The following TIAM2 variants were observed in gnomAD, a reference collection of about 807,000 sequenced individuals.
TIAM2 encodes TIAM Rac1 associated GEF 2, also known as rho guanine nucleotide exchange factor TIAM2.
A neutral mutation model predicts 152.9 loss-of-function variants in TIAM2; 80 were observed. The ratio of observed to expected loss-of-function variants is 0.52; its 90% CI spans 0.44 to 0.63. The LOEUF (loss-of-function observed/expected upper bound fraction) is 0.63, where lower values mean the gene tolerates loss of function less well. TIAM2 is among the 30% of genes least tolerant of loss of function. The pLI is 0.00. For synonymous variants in TIAM2, 804 were observed against 838.0 expected (o/e 0.96, Z 0.70); for missense variants, 1,965 against 2,120.1 (o/e 0.93, Z 1.44).
intron 1 of TIAM2, among the ~76,000 whole-genome samples, chr6:155,000,965 CAG>C (rs1275203226): frequency 1.3e-5 from 2 of 152,150 alleles, no homozygotes; most frequent in African/African-American, 4.8e-5. Flanking sequence ...GCCTGGGCGA[CAG>C]AGCGAGACCC....
chr6:155,039,069 T>A (rs1161223050), intron 1 of TIAM2, among the ~76,000 whole-genome samples: 1 of 146,282 alleles, frequency 6.8e-6, no homozygotes, highest in Non-Finnish European at 1.5e-5. Flanking sequence ...CAGGTGATCC[T>A]CCTACCTCAG....
intron 26 of TIAM2, 21 bp downstream of exon 26, chr6:155,254,594 G>GTGTT (rs749191073): frequency 2.9e-5 from 46 of 1,604,260 alleles, no homozygotes; most frequent in Non-Finnish European, 3.8e-5. Flanking sequence ...TGCTAGCCTT[G>GTGTT]TGTTTATTCA....
At position 155,010,616 on chromosome 6, in the gene TIAM2, C is replaced by T. The variant is rs530459781; in HGVS notation, c.-209+15124C>T. 4.4e-3 allele frequency among the ~76,000 whole-genome samples: 666 copies of T among 152,162 alleles called. 8 individuals are homozygous for T. The highest frequency in any genetic ancestry group is 0.015 in the African/African-American group (641 of 41,546). Reference sequence around the variant, plus strand: ...GATTACAGGCATGCGCCACCATGCCCGGCTAATTTTCTATTTTTAGTAGAG... The same window carrying T: ...GATTACAGGCATGCGCCACCATGCCTGGCTAATTTTCTATTTTTAGTAGAG... On this transcript the variant is annotated intron_variant, in intron 1 of 26. Transcript: ENST00000682666.
intron 14 of TIAM2, among the ~76,000 whole-genome samples, chr6:155,197,877 GA>G (rs1203227403): frequency 3.3e-5 from 5 of 152,330 alleles, no homozygotes; most frequent in Non-Finnish European, 4.4e-5. Flanking sequence ...TACAATTCAA[GA>G]TGAGCTTTGG....
intron 1 of TIAM2, among the ~76,000 whole-genome samples, chr6:155,062,087 C>T (rs920243011): frequency 4.5e-5 from 6 of 134,208 alleles, no homozygotes; most frequent in Admixed American, 1.5e-4. Flanking sequence ...TGCATCTCGC[C>T]CCCCCACCGC....
intron 1 of TIAM2, among the ~76,000 whole-genome samples, chr6:155,064,330 A>G (rs1777644769): frequency 6.6e-6 from 1 of 152,226 alleles, no homozygotes; most frequent in Non-Finnish European, 1.5e-5. Flanking sequence ...CCTAGCTTTT[A>G]CAGCTCTAGA....
At chr6:155,012,878 A>G (rs749004655) in intron 1 of TIAM2, among the ~76,000 whole-genome samples, 6 of 152,246 alleles carry the variant, frequency 3.9e-5, no homozygotes, top group Non-Finnish European at 7.3e-5. Flanking sequence ...AAATACTAAA[A>G]ACAGACATCT....
intron 22 of TIAM2, 84 bp from the exon 23 acceptor site, chr6:155,251,861 A>T: frequency 9.5e-7 from 1 of 1,055,862 alleles, no homozygotes. Flanking sequence ...GGAGAGTGTT[A>T]CTCTGTTAAG....
chr6:155,167,437 GT>G (rs1379934310), intron 9 of TIAM2, among the ~76,000 whole-genome samples: 1 of 152,044 alleles, frequency 6.6e-6, no homozygotes, highest in Non-Finnish European at 1.5e-5. Context: ...GGCCAGGCTG[GT>G]CTCAAACTTC....
In TIAM2 at chr6:155,200,474, A is replaced by G. The variant is rs568708171; in HGVS notation, c.3065-10730A>G. Among the ~76,000 whole-genome samples, 10 of 152,318 alleles carry G rather than the reference A, an allele frequency of 6.6e-5. No individual in the cohort carries two copies. The East Asian group carries it at 1.5e-3, about 23-fold the overall frequency. ...CTTTTTAAAAAATTGAATAGAATTA[A>G]CATACTATACAATTTACCTTTTACA... On this transcript the variant is annotated intron_variant, in intron 14 of 26. Transcript: ENST00000682666.
At chr6:155,145,088 C>T (rs960720358) in intron 6 of TIAM2, among the ~76,000 whole-genome samples, 7 of 152,178 alleles carry the variant, frequency 4.6e-5, no homozygotes, top group South Asian at 4.2e-4. Context: ...ATCTAGTGAG[C>T]GCAATGGTCA....
At position 155,087,249 on chromosome 6, in the gene TIAM2, T is replaced by C. The variant is rs575482554; in HGVS notation, c.-208-3040T>C. Among the ~76,000 whole-genome samples, 9 of 152,336 alleles carry C rather than the reference T, an allele frequency of 5.9e-5. No individual in the cohort carries two copies. The East Asian group carries it at 1.5e-3, about 26-fold the overall frequency. ...AATGAACATGTGGAAAGTTCTGTTA[T>C]GTAACAGATGCTTGAGATCCAACAT... On this transcript the variant is annotated intron_variant, in intron 1 of 26. Transcript: ENST00000682666.
chr6:155,091,833 G>A (rs181682257), intron 2 of TIAM2, among the ~76,000 whole-genome samples: 15 of 152,324 alleles, frequency 9.8e-5, no homozygotes, highest in East Asian at 1.9e-4. Flanking sequence ...GTTATTTAGA[G>A]TCAGACTGCC....
At chr6:155,049,455 C>G (rs563647629) in intron 1 of TIAM2, among the ~76,000 whole-genome samples, 3 of 152,094 alleles carry the variant, frequency 2.0e-5, no homozygotes, top group African/African-American at 7.2e-5. Flanking sequence ...CTAATTTTTG[C>G]CCACTGAGTT....
intron 26 of TIAM2, 165 bp from the exon 27 acceptor site, chr6:155,256,318 TG>T (rs1392531463): frequency 1.0e-6 from 1 of 1,002,254 alleles, no homozygotes; most frequent in Non-Finnish European, 1.4e-6. Context: ...AAAATGTCCA[TG>T]TTTTCAGTAG....
At chr6:155,056,520 A>G (rs1343997072) in intron 1 of TIAM2, among the ~76,000 whole-genome samples, 1 of 151,484 alleles carries the variant, frequency 6.6e-6, no homozygotes. Flanking sequence ...TTTTTTGCTC[A>G]CACCTGCTTG....
intron 2 of TIAM2, among the ~76,000 whole-genome samples, chr6:155,114,038 T>TATA (rs1562320509): frequency 8.7e-5 from 2 of 22,870 alleles, no homozygotes; most frequent in African/African-American, 2.6e-4. Context: ...ATATATATAT[T>TATA]TTTTTTTTTT....
At chr6:155,040,710 G>T (rs1777010436) in intron 1 of TIAM2, among the ~76,000 whole-genome samples, 3 of 152,034 alleles carry the variant, frequency 2.0e-5, no homozygotes, top group Admixed American at 6.6e-5. Context: ...GTAGAGATGG[G>T]GTTTCACCGT....
At chr6:155,093,069 G>T (rs1373948426) in intron 2 of TIAM2, among the ~76,000 whole-genome samples, 1 of 152,178 alleles carries the variant, frequency 6.6e-6, no homozygotes, top group South Asian at 2.1e-4. Context: ...GCCATTTTCT[G>T]TGTGTATAAC....
Sources: gnomAD v4.1 joint callset for allele counts (sites outside exome capture counted in the v4.1 genomes callset) on GRCh38, gnomAD v4.1.1 for gene constraint, MANE v1.5 for transcripts, NCBI Gene and HGNC (gene_info 2026-07-23, HGNC 2026-07-21) for gene names.